RCC1L: variants seen among roughly 807,000 people sequenced by gnomAD.
RCC1L encodes the protein RCC1 like.
A neutral mutation model predicts 58.6 loss-of-function variants in RCC1L; 46 were observed. The ratio of observed to expected loss-of-function variants is 0.79; its 90% CI spans 0.62 to 1.00. RCC1L has a LOEUF of 1.00. Among genes scored for constraint, RCC1L ranks in the 50% least tolerant of loss-of-function variants. RCC1L has a pLI of 0.00. For synonymous variants in RCC1L, 281 were observed against 262.9 expected (o/e 1.07, Z -0.67); for missense variants, 636 against 623.6 (o/e 1.02, Z -0.21).
chr7:75,029,299 C>T (rs1805230996), intron 10 of RCC1L, among the ~76,000 whole-genome samples: 2 of 152,064 alleles, frequency 1.3e-5, no homozygotes, highest in Non-Finnish European at 2.9e-5. Context: ...CAGGGCTTTT[C>T]CCAGCCCCAG....
At chr7:75,069,159 G>A (rs782119651) in intron 2 of RCC1L, among the ~76,000 whole-genome samples, 34 of 151,680 alleles carry the variant, frequency 2.2e-4, no homozygotes, top group Non-Finnish European at 4.4e-4. Flanking sequence ...GAGCCACTGC[G>A]CCTGGCATTT....
intron 9 of RCC1L, among the ~76,000 whole-genome samples, 199 bp from the exon 10 acceptor site, chr7:75,052,995 C>T (rs1032552838): frequency 3.3e-5 from 5 of 150,592 alleles, no homozygotes; most frequent in South Asian, 4.2e-4. Context: ...AACACATCCA[C>T]GGCCAGGACT....
At chr7:75,041,832 C>A (rs1178053632), downstream of RCC1L, among the ~76,000 whole-genome samples, 1 of 149,060 alleles carries the variant, frequency 6.7e-6, no homozygotes, top group Non-Finnish European at 1.5e-5. Flanking sequence ...TTGCTGCACT[C>A]CAGCCTGGGC....
At chr7:75,037,692 A>G (rs1805459038), downstream of RCC1L, among the ~76,000 whole-genome samples, 2 of 151,656 alleles carry the variant, frequency 1.3e-5, no homozygotes, top group African/African-American at 2.4e-5. Context: ...TTTAGTACAG[A>G]TGGGGTTTCA....
At chr7:75,069,160 C>T (rs1241832536) in intron 2 of RCC1L, among the ~76,000 whole-genome samples, 1 of 151,710 alleles carries the variant, frequency 6.6e-6, no homozygotes, top group African/African-American at 2.4e-5. Context: ...AGCCACTGCG[C>T]CTGGCATTTC....
At chr7:75,068,350 T>A (rs943412798) in intron 2 of RCC1L, among the ~76,000 whole-genome samples, 5 of 133,342 alleles carry the variant, frequency 3.7e-5, no homozygotes, top group African/African-American at 1.4e-4. Flanking sequence ...TAATGTAACA[T>A]CTTACAGCTA....
chr7:75,033,410 G>T (rs1805359235), intron 10 of RCC1L, among the ~76,000 whole-genome samples: 1 of 151,880 alleles, frequency 6.6e-6, no homozygotes, highest in South Asian at 2.1e-4. Flanking sequence ...TAAGAAGTGG[G>T]GTGGGCCAGG....
In RCC1L at chr7:75,070,780, G is replaced by A; in HGVS notation, c.325-11C>T. The A allele has an allele frequency of 3.7e-6, 6 of 1,613,626 alleles. No homozygotes were observed. Among genetic ancestry groups the A allele is most frequent in the Non-Finnish European group, 5.1e-6 (6 of 1,179,846 alleles). On this transcript the variant is annotated splice_polypyrimidine_tract_variant and intron_variant, in intron 1 of 10. Transcript: ENST00000610322. ...AGCAGCAGATGAAATCTGAAAAGCA[G>A]TTCCCACAAAGCATGAACTGATTTA...
intron 10 of RCC1L, among the ~76,000 whole-genome samples, chr7:75,034,145 T>C (rs1460843109): frequency 6.6e-6 from 1 of 152,168 alleles, no homozygotes; most frequent in Non-Finnish European, 1.5e-5. Flanking sequence ...ATGTGACTTA[T>C]ATCTTGATGT....
rs1426413109 is a variant in RCC1L, at chr7:75,073,697, CGCCCCAGCCGA to C, written c.30_40del (p.Arg11AlafsTer110). The C allele has an allele frequency of 6.6e-7, 1 of 1,508,720 alleles. No homozygotes were observed. The highest frequency in any genetic ancestry group is 8.8e-7 in the Non-Finnish European group (1 of 1,135,434). The allele number at this position is 1,508,720 out of a possible 1,614,324, so 93.5% of individuals were successfully genotyped here. A position where few individuals can be genotyped will look rare whatever the true frequency, so the allele number is the denominator to read the frequency against. ...CCCCAGCCCCGGCCCGCTCAGCCGC[CGCCCCAGCCGA>C]GCCCCAGCCACCAACGCCACCAGCG... On this transcript the variant is annotated frameshift_variant, in exon 1 of 11. Transcript: ENST00000610322. LOFTEE classifies it high-confidence loss of function.
At chr7:75,055,716 A>T in intron 9 of RCC1L, 185 bp downstream of exon 9, 1 of 681,726 alleles carries the variant, frequency 1.5e-6, no homozygotes, top group Admixed American at 2.8e-5. Flanking sequence ...CCAGGGGGGG[A>T]AAACAAGACA....
Position 75,042,506 on chromosome 7 carries a change from G to A in RCC1L, c.*526C>T, listed in dbSNP as rs1211855136. On this transcript the variant is annotated 3_prime_UTR_variant, in exon 11 of 11. Transcript: ENST00000610322. ...GGTGCTTCTAGTGTCCCCCCAGCGAGCTTGCGGTGTGGCAGGCGGCCAGGA... is the reference window on the plus strand; with the variant it reads ...GGTGCTTCTAGTGTCCCCCCAGCGAACTTGCGGTGTGGCAGGCGGCCAGGA... 1 of 991,404 alleles carries A rather than the reference G, an allele frequency of 1.0e-6. No homozygotes were observed. The highest frequency in any genetic ancestry group is 1.7e-5 in the African/African-American group (1 of 57,300). The allele number at this position is 991,404 out of a possible 1,614,324, so 61.4% of individuals were successfully genotyped here.
At chr7:75,067,938 G>A (rs1806559847) in intron 2 of RCC1L, among the ~76,000 whole-genome samples, 1 of 152,154 alleles carries the variant, frequency 6.6e-6, no homozygotes. Context: ...ACTGGCATGA[G>A]TTGATGATGC....
At position 75,061,328 on chromosome 7, in the gene RCC1L, A is replaced by G. The variant is rs1478455690; in HGVS notation, c.703-37T>C. ...ACAGAGGTAAGGGGGATGAGAGGAA[A>G]TACTTAGAACCCTGGTGTCCTCATC... On this transcript the variant is annotated intron_variant, in intron 5 of 10. Transcript: ENST00000610322. 4 of 1,572,694 alleles carry G rather than the reference A, an allele frequency of 2.5e-6. No individual in the cohort carries two copies. The African/African-American group carries it at 4.1e-5, about 16-fold the overall frequency.
intron 10 of RCC1L, among the ~76,000 whole-genome samples, chr7:75,045,691 T>G (rs1181835719): frequency 6.6e-6 from 1 of 152,180 alleles, no homozygotes; most frequent in Non-Finnish European, 1.5e-5. Context: ...AATTTTTGTA[T>G]TTTTCGTAGA....
chr7:75,056,017 A>C lies in RCC1L; in HGVS notation c.1115T>G (p.Val372Gly), dbSNP rs781789950. 1 of 1,613,818 alleles carries C rather than the reference A, an allele frequency of 6.2e-7. No homozygotes were observed. The highest frequency in any genetic ancestry group is 8.5e-7 in the Non-Finnish European group (1 of 1,179,864). Reference protein sequence around the residue: ...YGILGKGPNLVESAVPEMIPP... With the variant: ...YGILGKGPNLGESAVPEMIPP... ...AATCATTTCAGGGACGGCACTTTCC[A>C]CTAGGTTTGGACCTTTCCCAAGAAT... is the stretch of plus-strand genomic sequence containing the variant. Residue 372 changes from valine to glycine, a missense_variant, in exon 9 of 11, where the codon GTG becomes GGG. By Grantham distance (109) the Val-to-Gly change is moderately radical. Transcript: ENST00000610322.
intron 9 of RCC1L, among the ~76,000 whole-genome samples, chr7:75,054,822 T>C (rs1806024764): frequency 6.6e-6 from 1 of 152,136 alleles, no homozygotes; most frequent in African/African-American, 2.4e-5. Flanking sequence ...CAGCTGCAAA[T>C]GCAAGTGGCC....
At chr7:75,071,449 C>T (rs781860342) in intron 1 of RCC1L, among the ~76,000 whole-genome samples, 35 of 151,916 alleles carry the variant, frequency 2.3e-4, no homozygotes, top group Non-Finnish European at 3.8e-4. Flanking sequence ...GTTTGAGACC[C>T]GCTTTGGCCA....
At chr7:75,042,148 T>C (rs1805585086), downstream of RCC1L, 9 of 982,380 alleles carry the variant, frequency 9.2e-6, no homozygotes, top group Non-Finnish European at 8.5e-6. Flanking sequence ...AAACTCTAAA[T>C]GATCAAGTAA....
Sources: gnomAD v4.1 joint callset for allele counts (sites outside exome capture counted in the v4.1 genomes callset) on GRCh38, gnomAD v4.1.1 for gene constraint, MANE v1.5 for transcripts, NCBI Gene and HGNC (gene_info 2026-07-23, HGNC 2026-07-21) for gene names.